The following NRG1 variants were observed in gnomAD, a reference collection of about 807,000 sequenced individuals.
The protein encoded by NRG1 is pro-neuregulin-1, membrane-bound isoform.
In NRG1, 18 loss-of-function variants were observed where a neutral mutation model predicts 63.8. That is an observed-to-expected ratio of 0.28 (90% CI 0.19 to 0.42). The LOEUF is 0.42. Among genes scored for constraint, NRG1 ranks in the 10% least tolerant of loss-of-function variants. The probability of loss-of-function intolerance (pLI) is 1.00; values close to 1 mark genes in which losing one functional copy is unlikely to be tolerated. For missense variants in NRG1, 762 were observed against 814.7 expected (o/e 0.94, Z 0.79); for synonymous variants, 302 against 301.3 (o/e 1.00, Z -0.02).
chr8:32,053,515 C>T (rs1349440215), intron 1 of NRG1, among the ~76,000 whole-genome samples: 3 of 152,094 alleles, frequency 2.0e-5, no homozygotes, highest in Non-Finnish European at 4.4e-5. Flanking sequence ...ATGAGGGGGT[C>T]ATGTTTTGGG....
At chr8:31,736,379 C>A (rs1336528884) in intron 1 of NRG1, among the ~76,000 whole-genome samples, 1 of 152,170 alleles carries the variant, frequency 6.6e-6, no homozygotes, top group African/African-American at 2.4e-5. Context: ...CTGCACCTGG[C>A]AGTCTGGACA....
At chr8:31,966,883 A>G (rs1323573482) in intron 1 of NRG1, among the ~76,000 whole-genome samples, 2 of 152,150 alleles carry the variant, frequency 1.3e-5, no homozygotes, top group Non-Finnish European at 2.9e-5. Context: ...AATCATAGCT[A>G]AAGTCAACTT....
chr8:31,915,848 G>A (rs1168786813), intron 1 of NRG1, among the ~76,000 whole-genome samples: 1 of 151,946 alleles, frequency 6.6e-6, no homozygotes, highest in Non-Finnish European at 1.5e-5. Context: ...TTTGTATGGT[G>A]GGTTTTCATC....
chr8:32,583,889 G>A (rs769694999), intron 1 of NRG1, among the ~76,000 whole-genome samples: 1 of 152,220 alleles, frequency 6.6e-6, no homozygotes, highest in African/African-American at 2.4e-5. Context: ...GACATGCTAA[G>A]TGAGCTTCAT....
chr8:32,678,997 A>C (rs1163930700), intron 5 of NRG1, among the ~76,000 whole-genome samples: 2 of 151,234 alleles, frequency 1.3e-5, no homozygotes, highest in Non-Finnish European at 2.9e-5. Context: ...AATGGCATTA[A>C]AAAAAAAGTA....
intron 1 of NRG1, among the ~76,000 whole-genome samples, chr8:32,071,487 A>G (rs1400030177): frequency 6.6e-6 from 1 of 152,182 alleles, no homozygotes; most frequent in Non-Finnish European, 1.5e-5. Context: ...CCTATCAGGG[A>G]TGCATTCCTG....
upstream of NRG1, among the ~76,000 whole-genome samples, chr8:32,543,352 A>G (rs2129521440): frequency 6.6e-6 from 1 of 152,278 alleles, no homozygotes; most frequent in South Asian, 2.1e-4. Flanking sequence ...TATTTGCATC[A>G]TATACACATC....
chr8:31,983,027 C>T lies in NRG1; in HGVS notation c.37+343596C>T, dbSNP rs886365888. Among the ~76,000 whole-genome samples, 3 of 152,082 alleles carry T rather than the reference C, an allele frequency of 2.0e-5. No homozygotes were observed. In the East Asian group the frequency reaches 5.8e-4, roughly 29 times the overall value. On this transcript the variant is annotated intron_variant, in intron 1 of 10. Coordinates refer to the NRG1 transcript ENST00000519301. ...CATATAGTGACTCATTCAAGGTTGGCACAAAGTAACTTTAATCAATTAATG... is the reference window on the plus strand; with the variant it reads ...CATATAGTGACTCATTCAAGGTTGGTACAAAGTAACTTTAATCAATTAATG...
intron 1 of NRG1, among the ~76,000 whole-genome samples, chr8:31,690,367 T>A (rs1442132637): frequency 4.6e-5 from 7 of 152,158 alleles, no homozygotes; most frequent in Admixed American, 4.6e-4. Context: ...ATTAGGAAGA[T>A]GCTATTTGAG....
At chr8:31,834,307 G>GCACACACACA (rs1554547024) in intron 1 of NRG1, among the ~76,000 whole-genome samples, 30 of 119,512 alleles carry the variant, frequency 2.5e-4, no homozygotes, top group East Asian at 1.0e-3. Context: ...GCGCACGCGC[G>GCACACACACA]CACACACACA....
At chr8:32,221,561 A>T (rs550390079) in intron 1 of NRG1, among the ~76,000 whole-genome samples, 1 of 152,340 alleles carries the variant, frequency 6.6e-6, no homozygotes, top group African/African-American at 2.4e-5. Flanking sequence ...ACTGTAGATT[A>T]TTACAGCTTT....
chr8:32,288,606 T>C (rs187167794), intron 1 of NRG1, among the ~76,000 whole-genome samples: 11 of 152,286 alleles, frequency 7.2e-5, no homozygotes, highest in Admixed American at 5.2e-4. Flanking sequence ...AAAAGGAACT[T>C]TGTTACATCT....
intron 1 of NRG1, among the ~76,000 whole-genome samples, chr8:32,425,135 A>G (rs1012148019): frequency 6.6e-6 from 1 of 152,216 alleles, no homozygotes; most frequent in Admixed American, 6.5e-5. Flanking sequence ...CTGAATATGA[A>G]GGAGGCCAAA....
intron 1 of NRG1, among the ~76,000 whole-genome samples, chr8:31,719,553 A>G (rs556829702): frequency 1.6e-4 from 25 of 152,336 alleles, no homozygotes; most frequent in Non-Finnish European, 2.6e-4. Flanking sequence ...CAATTCTGAC[A>G]TCTTAGAACA....
At chr8:32,510,097 A>AAATAATAATAAT (rs57367955) in intron 1 of NRG1, among the ~76,000 whole-genome samples, 159 of 139,126 alleles carry the variant, frequency 1.1e-3, no homozygotes, top group African/African-American at 3.2e-3. Context: ...TCCTAGACAA[A>AAATAATAATAAT]AATAATAATA....
intron 1 of NRG1, among the ~76,000 whole-genome samples, chr8:32,536,758 T>TA (rs1245730657): frequency 8.0e-5 from 12 of 150,776 alleles, no homozygotes; most frequent in Non-Finnish European, 5.9e-5. Flanking sequence ...CCTTCTCTAC[T>TA]AAAAAAATAC....
At chr8:31,710,003 C>T (rs1811580952) in intron 1 of NRG1, among the ~76,000 whole-genome samples, 1 of 151,398 alleles carries the variant, frequency 6.6e-6, no homozygotes, top group Non-Finnish European at 1.5e-5. Flanking sequence ...AACTCAATTT[C>T]CTTATTTTCT....
intron 1 of NRG1, among the ~76,000 whole-genome samples, chr8:32,267,367 C>A (rs966138233): frequency 6.6e-6 from 1 of 152,172 alleles, no homozygotes; most frequent in African/African-American, 2.4e-5. Context: ...TTTAATTCCA[C>A]TGAAGATAAG....
At chr8:32,673,987 T>C (rs1563918054) in intron 5 of NRG1, among the ~76,000 whole-genome samples, 1 of 152,200 alleles carries the variant, frequency 6.6e-6, no homozygotes, top group Non-Finnish European at 1.5e-5. Context: ...TAAAGTAATC[T>C]TGACTCATTT....
Sources: allele counts gnomAD v4.1 joint callset (sites outside exome capture counted in the v4.1 genomes callset), GRCh38; gene constraint gnomAD v4.1.1; transcripts MANE v1.5; gene names NCBI Gene and HGNC (gene_info 2026-07-23, HGNC 2026-07-21).